SRBD1: variants seen among roughly 807,000 people sequenced by gnomAD.
The protein encoded by SRBD1 is S1 RNA-binding domain-containing protein 1.
SRBD1 carries 88 observed loss-of-function variants against 115.3 expected under a neutral mutation model. The observed-to-expected ratio is 0.76, with a 90% confidence interval of 0.64 to 0.91. The LOEUF (loss-of-function observed/expected upper bound fraction) is 0.91, where lower values mean the gene tolerates loss of function less well. Ranked by LOEUF, SRBD1 falls within the 40% of genes least tolerant of loss-of-function variation. SRBD1 has a pLI of 0.00. For synonymous variants in SRBD1, 509 were observed against 407.7 expected (o/e 1.25, Z -2.99); for missense variants, 1,385 against 1,177.4 (o/e 1.18, Z -2.58).
chr2:45,602,147 A>C (rs12998864), intron 2 of SRBD1, 64 bp from the exon 3 acceptor site: 371,988 of 1,526,014 alleles, frequency 0.24, 46,746 homozygotes, highest in East Asian at 0.35. Flanking sequence ...GGTAAAAAAG[A>C]GATGCAAGAT....
At chr2:45,427,259 G>A (rs1025216195) in intron 16 of SRBD1, among the ~76,000 whole-genome samples, 2 of 151,988 alleles carry the variant, frequency 1.3e-5, no homozygotes, top group African/African-American at 4.8e-5. Flanking sequence ...TAGCCGAATC[G>A]ATCAGGTGGA....
rs10658092 is a variant in SRBD1, at chr2:45,513,421, G to GAAA, written c.1875-25093_1875-25091dup. ...CCTCTTCTCCAGAATGCCCCTTAAG[G>GAAA]AAAAAAAAAAAACAACTGACCAGTT... is the stretch of plus-strand genomic sequence containing the variant. On this transcript the variant is annotated intron_variant, in intron 14 of 20. Transcript: ENST00000263736. Among the ~76,000 whole-genome samples, 173 of 145,234 alleles carry GAAA rather than the reference G, an allele frequency of 1.2e-3. 2 individuals are homozygous for GAAA. The highest frequency in any genetic ancestry group is 7.8e-3 in the East Asian group (38 of 4,870).
At chr2:45,475,108 C>T (rs1264271742) in intron 16 of SRBD1, among the ~76,000 whole-genome samples, 2 of 152,126 alleles carry the variant, frequency 1.3e-5, no homozygotes, top group Non-Finnish European at 2.9e-5. Context: ...GCATCTCAAA[C>T]TTAACATGTC....
At chr2:45,445,530 A>G (rs1303748725) in intron 16 of SRBD1, among the ~76,000 whole-genome samples, 3 of 147,154 alleles carry the variant, frequency 2.0e-5, no homozygotes, top group African/African-American at 7.6e-5. Flanking sequence ...AAATGCACAG[A>G]AGCAATATCT....
chr2:45,461,761 G>A (rs1436734849), intron 16 of SRBD1, among the ~76,000 whole-genome samples: 3 of 152,068 alleles, frequency 2.0e-5, no homozygotes, highest in Admixed American at 1.3e-4. Flanking sequence ...GGAAGAACAG[G>A]TGCCTCATTT....
At chr2:45,482,191 T>C (rs754082233) in intron 15 of SRBD1, among the ~76,000 whole-genome samples, 10 of 152,254 alleles carry the variant, frequency 6.6e-5, no homozygotes, top group Non-Finnish European at 1.3e-4. Flanking sequence ...TTTGCCCACA[T>C]ATAATGAATG....
Position 45,473,220 on chromosome 2 carries a change from T to C in SRBD1, c.2049+3773A>G, listed in dbSNP as rs554352884. On this transcript the variant is annotated intron_variant, in intron 16 of 20. Transcript: ENST00000263736. ...ATCTTATTGGTGGTTGTTCTTCATA[T>C]GTTTCAGGTTATATTTTTAATCAAA... 8.5e-5 allele frequency among the ~76,000 whole-genome samples: 13 copies of C among 152,282 alleles called. No homozygotes were observed. In the South Asian group the frequency reaches 2.5e-3, roughly 29 times the overall value.
chr2:45,579,836 A>G (rs1268099746), intron 7 of SRBD1, 39 bp downstream of exon 7: 3 of 1,480,736 alleles, frequency 2.0e-6, no homozygotes, highest in South Asian at 1.5e-5. Context: ...AAAAAAAAAA[A>G]AAAGAAACAA....
At chr2:45,528,903 T>G (rs1220752271) in intron 14 of SRBD1, among the ~76,000 whole-genome samples, 3 of 151,944 alleles carry the variant, frequency 2.0e-5, no homozygotes, top group Non-Finnish European at 4.4e-5. Flanking sequence ...TAGAAGAGGC[T>G]GCTGGGTTAA....
intron 8 of SRBD1, among the ~76,000 whole-genome samples, 183 bp downstream of exon 8, chr2:45,574,420 CAGGCTCCCTGTCCAGAATTCAATT>C (rs1195204576): frequency 6.6e-6 from 1 of 152,184 alleles, no homozygotes; most frequent in Admixed American, 6.5e-5. Flanking sequence ...GGCAGAGTTC[CAGGCTCCCTGTCCAGAATTCAATT>C]AAAACAACTT....
intron 19 of SRBD1, among the ~76,000 whole-genome samples, chr2:45,396,860 G>C (rs1214770326): frequency 6.6e-6 from 1 of 152,124 alleles, no homozygotes; most frequent in Non-Finnish European, 1.5e-5. Context: ...ACCCCACAGA[G>C]CATAGAAGAA....
chr2:45,504,063 A>G (rs1670722353), intron 14 of SRBD1, among the ~76,000 whole-genome samples: 1 of 152,212 alleles, frequency 6.6e-6, no homozygotes, highest in African/African-American at 2.4e-5. Flanking sequence ...TCAAATATTT[A>G]TGTTCCAATT....
chr2:45,449,115 A>C (rs2103736054), intron 16 of SRBD1, among the ~76,000 whole-genome samples: 1 of 152,278 alleles, frequency 6.6e-6, no homozygotes, highest in South Asian at 2.1e-4. Context: ...TGTCTTTTTT[A>C]TTGAACATTT....
intron 16 of SRBD1, chr2:45,447,840 A>G (rs548785685): frequency 3.9e-5 from 6 of 152,312 alleles, no homozygotes; most frequent in African/African-American, 1.4e-4. Context: ...ATATAAGTGT[A>G]CCATTCCTTG....
chr2:45,415,739 G>C (rs1667808978), intron 18 of SRBD1, among the ~76,000 whole-genome samples: 1 of 15,502 alleles, frequency 6.5e-5, no homozygotes, highest in Admixed American at 5.9e-4. Context: ...GAGAGGAGAC[G>C]AGAGGAGACG....
intron 14 of SRBD1, among the ~76,000 whole-genome samples, chr2:45,528,501 A>C (rs562544749): frequency 6.6e-6 from 1 of 151,988 alleles, no homozygotes; most frequent in Admixed American, 6.6e-5. Context: ...GAATTTAAAA[A>C]ACACATAAAA....
intron 11 of SRBD1, among the ~76,000 whole-genome samples, chr2:45,552,321 G>C (rs1672327564): frequency 6.6e-6 from 1 of 152,136 alleles, no homozygotes; most frequent in South Asian, 2.1e-4. Flanking sequence ...CTTATAAACT[G>C]AAATAAGTTA....
chr2:45,511,632 A>G (rs1670973247), intron 14 of SRBD1, among the ~76,000 whole-genome samples: 1 of 152,234 alleles, frequency 6.6e-6, no homozygotes, highest in Non-Finnish European at 1.5e-5. Context: ...CAAAGTTTCA[A>G]TTTTAACTGT....
In SRBD1 at chr2:45,476,983, A is replaced by G; in HGVS notation, c.2049+10T>C. 1 of 1,612,706 alleles carries G rather than the reference A, an allele frequency of 6.2e-7. No homozygotes were observed. ...GGATTTCATAAATTAAATGATCCAC[A>G]TAGCTTTACCTGATACATTCCAACT... On this transcript the variant is annotated intron_variant, in intron 16 of 20. Coordinates refer to ENST00000263736, the MANE Select transcript of SRBD1 (RefSeq NM_018079.5).
Sources: allele counts gnomAD v4.1 joint callset (sites outside exome capture counted in the v4.1 genomes callset), GRCh38; gene constraint gnomAD v4.1.1; transcripts MANE v1.5; gene names NCBI Gene and HGNC (gene_info 2026-07-23, HGNC 2026-07-21).